The following TANK variants were observed in gnomAD, a reference collection of about 807,000 sequenced individuals.
TANK encodes the protein TRAF family member-associated NF-kappa-B activator.
In TANK, 15 loss-of-function variants were observed where a neutral mutation model predicts 43.6. That is an observed-to-expected ratio of 0.34 (90% confidence interval 0.23 to 0.53). The LOEUF (loss-of-function observed/expected upper bound fraction) is 0.53, where lower values mean the gene tolerates loss of function less well. Among genes scored for constraint, TANK ranks in the 20% least tolerant of loss-of-function variants. The pLI is 0.94. For synonymous variants in TANK, 162 were observed against 178.2 expected (o/e 0.91, Z 0.73); for missense variants, 417 against 498.6 (o/e 0.84, Z 1.56).
At chr2:161,170,295 A>G (rs993599350) in intron 1 of TANK, among the ~76,000 whole-genome samples, 1 of 152,174 alleles carries the variant, frequency 6.6e-6, no homozygotes, top group East Asian at 1.9e-4. Context: ...TGTTTTCTCT[A>G]TTAATTAAGT....
chr2:161,163,837 T>G (rs191100627), intron 1 of TANK, among the ~76,000 whole-genome samples: 1 of 152,256 alleles, frequency 6.6e-6, no homozygotes, highest in South Asian at 2.1e-4. Context: ...TGCTGTCATC[T>G]AACAGAAGCC....
At chr2:161,159,247 A>G (rs1259153230), upstream of TANK, 1 of 152,266 alleles carries the variant, frequency 6.6e-6, no homozygotes, top group East Asian at 1.9e-4. Flanking sequence ...CTGCACACAG[A>G]TATTTATAAC....
chr2:161,203,556 A>T lies in TANK; in HGVS notation c.169A>T (p.Lys57Ter). The T allele has an allele frequency of 1.2e-6, 2 of 1,612,028 alleles. No individual in the cohort carries two copies. The highest frequency in any genetic ancestry group is 1.7e-6 in the Non-Finnish European group (2 of 1,179,238). ...QLSLQQTIID[K>*]LKSQLLLVNS... ...GTCACTTCAACAGACTATTATTGACAAGCTAAAATCTCAGTTACTTCTTGT... is the reference window on the plus strand; with the variant it reads ...GTCACTTCAACAGACTATTATTGACTAGCTAAAATCTCAGTTACTTCTTGT... Residue 57 changes from lysine (K) to a stop codon, truncating the protein, a stop_gained, in exon 3 of 8, where the codon AAG (lysine) becomes TAG (stop). Transcript: ENST00000392749. LOFTEE classifies it high-confidence loss of function.
intron 2 of TANK, chr2:161,201,092 A>T: frequency 1.0e-6 from 1 of 985,106 alleles, no homozygotes; most frequent in East Asian, 1.1e-4. Flanking sequence ...GTATGTGAAA[A>T]GTGTAGGAGG....
chr2:161,202,172 G>T (rs1273479465), intron 2 of TANK, among the ~76,000 whole-genome samples: 1 of 145,802 alleles, frequency 6.9e-6, no homozygotes, highest in African/African-American at 2.5e-5. Flanking sequence ...GTAGTATTTA[G>T]CTCTAATTTC....
At chr2:161,140,122 T>A (rs1042096114) in intron 1 of TANK, among the ~76,000 whole-genome samples, 1 of 152,202 alleles carries the variant, frequency 6.6e-6, no homozygotes, top group East Asian at 1.9e-4. Flanking sequence ...TGAGACTAGC[T>A]TAATAAAGTA....
chr2:161,153,049 G>A (rs1684122089), intron 1 of TANK, among the ~76,000 whole-genome samples: 9 of 151,940 alleles, frequency 5.9e-5, no homozygotes, highest in Admixed American at 5.9e-4. Context: ...TAGAAGGTAA[G>A]CTTGATGTTA....
intron 2 of TANK, among the ~76,000 whole-genome samples, chr2:161,187,180 CT>C (rs1252736356): frequency 6.6e-6 from 1 of 152,096 alleles, no homozygotes; most frequent in Non-Finnish European, 1.5e-5. Flanking sequence ...AATCCCATCA[CT>C]TTGGGAGGCT....
At chr2:161,169,678 A>G (rs1684856343) in intron 1 of TANK, among the ~76,000 whole-genome samples, 1 of 152,198 alleles carries the variant, frequency 6.6e-6, no homozygotes, top group Non-Finnish European at 1.5e-5. Context: ...TATTTTGTAG[A>G]ACTACACAAC....
intron 6 of TANK, chr2:161,227,082 CAA>C (rs1327994062): frequency 6.6e-6 from 1 of 152,194 alleles, no homozygotes; most frequent in Non-Finnish European, 1.5e-5. Context: ...GTCAGGATGA[CAA>C]GTGCTTTCAT....
Position 161,160,489 on chromosome 2 carries a change from GAGTA to G in TANK, c.-50+6_-50+9del, listed in dbSNP as rs947655365. 2 of 1,255,030 alleles carry G rather than the reference GAGTA, an allele frequency of 1.6e-6. No homozygotes were observed. The highest frequency in any genetic ancestry group is 2.0e-6 in the Non-Finnish European group (2 of 998,616). The allele number at this position is 1,255,030 out of a possible 1,614,324, so 77.7% of individuals were successfully genotyped here. ...ACGCAGCTGAAAGCGTGAACTGTGT[GAGTA>G]AGAAACTTTGTGAATTGGTGTGTCC... On this transcript the variant is annotated splice_donor_5th_base_variant and intron_variant, in intron 1 of 7. Transcript: ENST00000392749.
intron 2 of TANK, among the ~76,000 whole-genome samples, chr2:161,180,753 A>G (rs1347804367): frequency 6.6e-6 from 1 of 152,206 alleles, no homozygotes; most frequent in African/African-American, 2.4e-5. Flanking sequence ...TAGTAAAGAT[A>G]TATAGCCAGA....
chr2:161,183,018 T>C (rs1685499391), intron 2 of TANK, among the ~76,000 whole-genome samples: 1 of 152,050 alleles, frequency 6.6e-6, no homozygotes, highest in Admixed American at 6.6e-5. Flanking sequence ...GTTGTGAGAG[T>C]TACGAGCTAG....
intron 1 of TANK, chr2:161,161,564 T>C: frequency 7.7e-7 from 1 of 1,302,704 alleles, no homozygotes. Flanking sequence ...TTCCACATCT[T>C]TCCTGTATGT....
At chr2:161,192,203 C>G (rs958648354) in intron 2 of TANK, among the ~76,000 whole-genome samples, 1 of 152,104 alleles carries the variant, frequency 6.6e-6, no homozygotes, top group Admixed American at 6.6e-5. Flanking sequence ...AACTGTATAC[C>G]CATTTGTATC....
At chr2:161,233,001 T>A (rs1018594361) in intron 7 of TANK, 11 of 815,924 alleles carry the variant, frequency 1.3e-5, no homozygotes, top group Middle Eastern at 3.9e-4. Flanking sequence ...ATGAGTTTTT[T>A]AAAAAAAACC....
chr2:161,207,050 A>G (rs1686683855), intron 4 of TANK, among the ~76,000 whole-genome samples: 1 of 152,106 alleles, frequency 6.6e-6, no homozygotes, highest in South Asian at 2.1e-4. Context: ...TTTGTTATTT[A>G]TGCAAGTTTT....
chr2:161,232,719 T>C (rs761110558), intron 7 of TANK: 1 of 1,547,318 alleles, frequency 6.5e-7, no homozygotes, highest in South Asian at 1.2e-5. Flanking sequence ...ATGTCTTGCT[T>C]GTTCTTTTAC....
chr2:161,155,904 C>T (rs973413124), upstream of TANK: 49 of 335,326 alleles, frequency 1.5e-4, no homozygotes, highest in Non-Finnish European at 2.0e-4. Context: ...TCTTAGTGAT[C>T]TTTCTATCCC....
Sources: gnomAD v4.1 joint callset for allele counts (sites outside exome capture counted in the v4.1 genomes callset) on GRCh38, gnomAD v4.1.1 for gene constraint, MANE v1.5 for transcripts, NCBI Gene and HGNC (gene_info 2026-07-23, HGNC 2026-07-21) for gene names.